Variants in PCDH15 observed in about 807,000 individuals in gnomAD.
The protein encoded by PCDH15 is protocadherin related 15.
Under a neutral mutation model 178.5 loss-of-function variants are expected in PCDH15, and 129 were observed. The observed-to-expected ratio is 0.72, with a 90% CI of 0.63 to 0.84. The LOEUF (loss-of-function observed/expected upper bound fraction) is 0.84. PCDH15 is among the 40% of genes least tolerant of loss of function. PCDH15 has a pLI of 0.00. For missense variants in PCDH15, 2,230 were observed against 2,099.9 expected (o/e 1.06, Z -1.21); for synonymous variants, 800 against 732.0 (o/e 1.09, Z -1.50).
intron 8 of PCDH15, among the ~76,000 whole-genome samples, chr10:54,290,350 T>C (rs2059318018): frequency 6.6e-6 from 1 of 152,158 alleles, no homozygotes; most frequent in Non-Finnish European, 1.5e-5. Context: ...AATGCTGAGA[T>C]ATTTTGTCAC....
chr10:54,977,804 G>C (rs1839112975), intron 2 of PCDH15, among the ~76,000 whole-genome samples: 1 of 152,056 alleles, frequency 6.6e-6, no homozygotes, highest in African/African-American at 2.4e-5. Flanking sequence ...CAAAAATACA[G>C]TGTCCTTTTG....
At chr10:54,227,588 A>G (rs1228887064) in intron 9 of PCDH15, among the ~76,000 whole-genome samples, 5 of 152,234 alleles carry the variant, frequency 3.3e-5, no homozygotes, top group Non-Finnish European at 7.3e-5. Context: ...CAGGATTAAC[A>G]TACAGCTCCT....
At chr10:55,203,411 TG>T (rs1454080488) in intron 1 of PCDH15, among the ~76,000 whole-genome samples, 5 of 152,066 alleles carry the variant, frequency 3.3e-5, no homozygotes, top group African/African-American at 1.2e-4. Context: ...TAATGCTACG[TG>T]GAGAGTCCTA....
intron 1 of PCDH15, among the ~76,000 whole-genome samples, chr10:55,260,279 A>G (rs540514788): frequency 3.9e-5 from 6 of 152,212 alleles, no homozygotes; most frequent in Admixed American, 2.6e-4. Context: ...TAATTTGATT[A>G]TTTCTGTTTT....
intron 3 of PCDH15, among the ~76,000 whole-genome samples, chr10:54,875,099 A>G (rs1328753802): frequency 1.3e-5 from 2 of 152,096 alleles, no homozygotes; most frequent in African/African-American, 4.8e-5. Flanking sequence ...TATCAGTGCT[A>G]TTTTTCGAAC....
intron 4 of PCDH15, among the ~76,000 whole-genome samples, chr10:54,372,959 A>C (rs1947889229): frequency 6.6e-6 from 1 of 151,786 alleles, no homozygotes; most frequent in Non-Finnish European, 1.5e-5. Context: ...AGTGGGTTTG[A>C]GAGTATGAAG....
At chr10:54,408,449 A>G (rs143792483) in intron 3 of PCDH15, among the ~76,000 whole-genome samples, 2,796 of 152,060 alleles carry the variant, frequency 0.018, 94 homozygotes, top group African/African-American at 0.064. Flanking sequence ...TTTGCCTATA[A>G]TATTTATCAG....
chr10:55,032,681 T>C (rs1840641207), intron 2 of PCDH15, among the ~76,000 whole-genome samples: 1 of 152,186 alleles, frequency 6.6e-6, no homozygotes, highest in African/African-American at 2.4e-5. Context: ...GGTCATCTAC[T>C]ATTAGATAAG....
rs576962579 is a variant in PCDH15 at position 53,892,780 on chromosome 10, A to T, written c.3501+10463T>A. 1.8e-4 allele frequency among the ~76,000 whole-genome samples: 28 copies of T among 152,276 alleles called. No homozygotes were observed. The South Asian group carries it at 5.8e-3, about 32-fold the overall frequency. On this transcript the variant is annotated intron_variant, in intron 26 of 37. Transcript: ENST00000644397. ...ATCAAGTTTCAGTTATATAGGAGGA[A>T]TAAGGTAAAGGGATATATTGTACAA...
intron 1 of PCDH15, among the ~76,000 whole-genome samples, chr10:55,266,878 C>A (rs1842312519): frequency 1.3e-5 from 2 of 152,202 alleles, no homozygotes; most frequent in Admixed American, 1.3e-4. Context: ...CTAACACAAG[C>A]CGCCTATAGA....
intron 2 of PCDH15, among the ~76,000 whole-genome samples, chr10:55,597,816 C>T (rs1378471611): frequency 6.6e-6 from 1 of 152,046 alleles, no homozygotes; most frequent in Non-Finnish European, 1.5e-5. Flanking sequence ...GTTTTTCATC[C>T]AGTTAATGTA....
chr10:54,413,201 T>A (rs1292044651), intron 3 of PCDH15, among the ~76,000 whole-genome samples: 4 of 152,124 alleles, frequency 2.6e-5, no homozygotes, highest in Admixed American at 6.6e-5. Context: ...AATAGCAAAA[T>A]TTTTTAATAG....
At chr10:55,622,468 C>A (rs1387227586) in intron 2 of PCDH15, among the ~76,000 whole-genome samples, 1 of 151,870 alleles carries the variant, frequency 6.6e-6, no homozygotes, top group Non-Finnish European at 1.5e-5. Flanking sequence ...TTATATAAAT[C>A]ATTTCTAATG....
At chr10:54,379,072 C>T (rs772084869) in intron 3 of PCDH15, 130 bp from the exon 4 acceptor site, 2 of 928,224 alleles carry the variant, frequency 2.2e-6, no homozygotes, top group Admixed American at 1.9e-5. Flanking sequence ...GTATATCTAG[C>T]ATAAGACAGA....
intron 21 of PCDH15, among the ~76,000 whole-genome samples, chr10:53,979,482 A>G (rs1423676101): frequency 6.6e-6 from 1 of 152,094 alleles, no homozygotes; most frequent in Non-Finnish European, 1.5e-5. Context: ...AAACCATATC[A>G]CCCTCTAAGA....
chr10:54,177,291 A>T (rs1333639850), intron 13 of PCDH15, among the ~76,000 whole-genome samples: 1 of 152,114 alleles, frequency 6.6e-6, no homozygotes, highest in Non-Finnish European at 1.5e-5. Flanking sequence ...AGGGGGAGGG[A>T]AGCATAGGCA....
At chr10:55,248,275 G>GA (rs990086759) in intron 1 of PCDH15, among the ~76,000 whole-genome samples, 1 of 151,132 alleles carries the variant, frequency 6.6e-6, no homozygotes, top group Admixed American at 6.6e-5. Context: ...ATATCATTTT[G>GA]AAAAAAACAC....
In PCDH15 at chr10:54,354,010, A is replaced by G. The variant is rs1040871892; in HGVS notation, c.475-7526T>C. On this transcript the variant is annotated intron_variant, in intron 5 of 37. Transcript: ENST00000644397. ...CTATTTATTTATTTTTGAGATGACG[A>G]GTTTCGCTCTTGTTGGCCAGGCTGG... is the stretch of plus-strand genomic sequence containing the variant. 2.6e-5 allele frequency among the ~76,000 whole-genome samples: 4 copies of G among 152,236 alleles called. No homozygotes were observed. In the East Asian group the frequency reaches 7.7e-4, roughly 29 times the overall value.
chr10:54,637,685 T>C (rs995521113), intron 2 of PCDH15, among the ~76,000 whole-genome samples: 1 of 152,076 alleles, frequency 6.6e-6, no homozygotes, highest in African/African-American at 2.4e-5. Context: ...TTATCTTCAA[T>C]AAATTCTCAT....
Sources: allele counts gnomAD v4.1 joint callset (sites outside exome capture counted in the v4.1 genomes callset), GRCh38; gene constraint gnomAD v4.1.1; transcripts MANE v1.5; gene names NCBI Gene and HGNC (gene_info 2026-07-23, HGNC 2026-07-21).